WDR90: variants seen among roughly 807,000 people sequenced by gnomAD.
WDR90 encodes the protein WD repeat domain 90, also known as WD repeat-containing protein 90.
Under a neutral mutation model 195.2 loss-of-function variants are expected in WDR90, and 238 were observed. The ratio of observed to expected loss-of-function variants is 1.22; its 90% CI spans 1.10 to 1.36. The LOEUF (loss-of-function observed/expected upper bound fraction) is 1.36, where lower values mean the gene tolerates loss of function less well. WDR90 is among the 40% of genes most tolerant of loss of function. WDR90 has a pLI of 0.00. For missense variants in WDR90, 2,734 were observed against 2,439.5 expected (o/e 1.12, Z -2.54); for synonymous variants, 1,265 against 1,052.4 (o/e 1.20, Z -3.91).
intron 33 of WDR90, 146 bp from the exon 34 acceptor site, chr16:662,533 A>C: frequency 7.9e-7 from 1 of 1,267,280 alleles, no homozygotes; most frequent in Non-Finnish European, 1.1e-6. Context: ...CCCCAGCTCC[A>C]TGGGCTTTCT....
At position 658,597 on chromosome 16, in the gene WDR90, G is replaced by T; in HGVS notation, c.2839G>T (p.Ala947Ser). ...GGACGCCCGCTTCCTGCTGATTGCC[G>T]CCGGCCGGACCATCAAGGTGTGGGA... ...SEDARFLLIA[A>S]GRTIKVWDYA... Residue 947 changes from alanine (A) to serine (S), a missense_variant, in exon 23 of 41, where the codon GCC becomes TCC. Physicochemically the swap from Ala to Ser is moderately conservative, Grantham distance 99. Transcript: ENST00000293879. 1 of 1,612,670 alleles carries T rather than the reference G, an allele frequency of 6.2e-7. No individual in the cohort carries two copies. The highest frequency in any genetic ancestry group is 8.5e-7 in the Non-Finnish European group (1 of 1,179,896).
chr16:649,411 G>T lies in WDR90; in HGVS notation c.-6G>T. 1 of 1,314,492 alleles carries T rather than the reference G, an allele frequency of 7.6e-7. No homozygotes were observed. Among genetic ancestry groups the T allele is most frequent in the Non-Finnish European group, 9.7e-7 (1 of 1,034,900 alleles). 81.4% of individuals were successfully genotyped at this position (1,314,492 alleles called of 1,614,324 possible). A position where few individuals can be genotyped will look rare whatever the true frequency, so the allele number is the denominator to read the frequency against. ...GGCCTAGGCGGGAAGCTCGAGCGGC[G>T]GCGCCATGGCCCGAGGTAGCGCGCG... is the stretch of plus-strand genomic sequence containing the variant. On this transcript the variant is annotated 5_prime_UTR_variant, in exon 1 of 41. Transcript: ENST00000293879.
intron 6 of WDR90, 21 bp downstream of exon 6, chr16:651,124 C>A (rs375807529): frequency 6.3e-7 from 1 of 1,593,202 alleles, no homozygotes; most frequent in Admixed American, 1.7e-5. Context: ...CTGCTTCTTT[C>A]GAGGGAGGCC....
chr16:650,690 T>A lies in WDR90; in HGVS notation c.540T>A (p.Ser180Arg). The A allele has an allele frequency of 1.2e-6, 2 of 1,609,898 alleles. No homozygotes were observed. The highest frequency in any genetic ancestry group is 1.7e-6 in the Non-Finnish European group (2 of 1,177,558). ...TGCTGGTCAGGAACCTGTACACCAG[T>A]GACCTGTGCTTTGAGCCTGGTGAGG... ...ASLLVRNLYT[S>R]DLCFEPAISG... Residue 180 changes from serine to arginine, a missense_variant, in exon 5 of 41, where the codon AGT becomes AGA. Ser to Arg is a moderately radical substitution (Grantham distance 110, BLOSUM62 -1). Transcript: ENST00000293879.
In WDR90 at chr16:661,342, G is replaced by A. The variant is rs1343916701; in HGVS notation, c.3514G>A (p.Val1172Ile). The A allele has an allele frequency of 8.1e-6, 13 of 1,598,448 alleles. No individual in the cohort carries two copies. The highest frequency in any genetic ancestry group is 1.3e-5 in the African/African-American group (1 of 74,782). ...STLALSHSAQVLASASGRSST... is the reference protein window; with the variant it reads ...STLALSHSAQILASASGRSST... ...TCACGCCTGGCCTCTTGCCTGCCAG[G>A]TCCTGGCCTCTGCCTCGGGCCGAAG... Residue 1172 changes from valine to isoleucine, a missense_variant and splice_region_variant, in exon 30 of 41, where the codon GTC becomes ATC. Val to Ile is a conservative substitution (Grantham distance 29). Transcript: ENST00000293879.
chr16:666,792 G>A lies in WDR90; in HGVS notation c.5004G>A (p.Gln1668=). The A allele has an allele frequency of 6.2e-7, 1 of 1,612,802 alleles. No homozygotes were observed. The highest frequency in any genetic ancestry group is 8.5e-7 in the Non-Finnish European group (1 of 1,179,934). Residue 1668 remains glutamine (Q), a splice_region_variant and synonymous_variant, in exon 39 of 41, where the codon CAG becomes CAA. Transcript: ENST00000293879. The part of the protein sequence containing the change: ...EVIIYNLCQK[Q]VVEKIPLPFF... ...TCATCTACAACCTCTGCCAGAAGCA[G>A]GTACACGCAGCTGCCCGCGTGTCAC...
chr16:664,232 T>G (rs4984679), intron 34 of WDR90, among the ~76,000 whole-genome samples: 1 of 151,830 alleles, frequency 6.6e-6, no homozygotes, highest in Non-Finnish European at 1.5e-5. Flanking sequence ...GGTCGCTCCC[T>G]GCTTCCCGCC....
At position 655,211 on chromosome 16, in the gene WDR90, C is replaced by G. The variant is rs543014926; in HGVS notation, c.1556+64C>G. 1.2e-5 allele frequency: 19 copies of G among 1,612,096 alleles called. No homozygotes were observed. In the African/African-American group the frequency reaches 1.5e-4, roughly 12 times the overall value. On this transcript the variant is annotated intron_variant, in intron 14 of 40. Transcript: ENST00000293879. ...TGGGCCCGGAGTGGGGGCCGAGGCC[C>G]GAGCACCTCCCCCTGGCTTGGCTGT...
At position 659,359 on chromosome 16, in the gene WDR90, C is replaced by T; in HGVS notation, c.3167C>T (p.Pro1056Leu). ...SPPRLGVCAR[P>L]PEGGDGARDT... ...CCACGGCTGGGCGTCTGTGCCAGGCCTCCCGAAGGTGGCGATGGTGAGCAG... is the reference window on the plus strand; with the variant it reads ...CCACGGCTGGGCGTCTGTGCCAGGCTTCCCGAAGGTGGCGATGGTGAGCAG... Residue 1056 changes from proline to leucine, a missense_variant, in exon 26 of 41, where the codon CCT becomes CTT. Pro to Leu is a moderately conservative substitution (Grantham distance 98, BLOSUM62 -3). Coordinates refer to ENST00000293879, the MANE Select transcript of WDR90 (RefSeq NM_145294.5). The T allele has an allele frequency of 6.3e-7, 1 of 1,593,340 alleles. No individual in the cohort carries two copies. Among genetic ancestry groups the T allele is most frequent in the East Asian group, 2.3e-5 (1 of 44,064 alleles).
rs577550111 is a variant in WDR90, at chr16:650,269, C to T, written c.295C>T (p.Arg99Cys). 3 of 1,612,954 alleles carry T rather than the reference C, an allele frequency of 1.9e-6. No homozygotes were observed. In the South Asian group the frequency reaches 3.3e-5, roughly 18 times the overall value. The change falls in exon 4 of 41, where the codon CGT becomes TGT. Residue 99 changes from arginine (R) to cysteine (C), a missense_variant. Coordinates refer to ENST00000293879, the MANE Select transcript of WDR90 (RefSeq NM_145294.5). ...GTCCCCACAGGACAACCAAGTCATC[C>T]GTGTGTCTTTCTCCAACCTCTTCAA... Reference protein sequence around the residue: ...DVSSKDNQVIRVSFSNLFKEF... With the variant: ...DVSSKDNQVICVSFSNLFKEF...
At chr16:659,824 G>A (rs2037855496) in intron 26 of WDR90, among the ~76,000 whole-genome samples, 1 of 152,220 alleles carries the variant, frequency 6.6e-6, no homozygotes, top group Non-Finnish European at 1.5e-5. Context: ...GCAGGGCAGG[G>A]ACGCTGGTGC....
chr16:660,976 CGG>C, intron 28 of WDR90, 73 bp from the exon 29 acceptor site: 1 of 84,850 alleles, frequency 1.2e-5, no homozygotes, highest in Non-Finnish European at 1.8e-5. Context: ...GCCCCCTGTT[CGG>C]CCCCTCCCCA....
At chr16:651,541 C>T (rs1000045050) in intron 7 of WDR90, 103 bp from the exon 8 acceptor site, 12 of 1,166,522 alleles carry the variant, frequency 1.0e-5, no homozygotes, top group Middle Eastern at 2.8e-4. Context: ...CCTGCAGAGC[C>T]GGTGAGGCTG....
At chr16:667,390 G>C (rs1350653699) in intron 40 of WDR90, 42 bp from the exon 41 acceptor site, 4 of 1,561,844 alleles carry the variant, frequency 2.6e-6, no homozygotes, top group Non-Finnish European at 2.6e-6. Flanking sequence ...TCTGAGTGCT[G>C]CCTGGTCCTG....
Position 666,550 on chromosome 16 carries a change from C to T in WDR90, c.4836C>T (p.His1612=). The change falls in exon 38 of 41, where the codon CAC becomes CAT. Residue 1612 remains histidine, a synonymous_variant. Coordinates refer to ENST00000293879, the MANE Select transcript of WDR90 (RefSeq NM_145294.5). The part of the protein sequence containing the change: ...SVWASDWLRN[H]CELVDWLSFP... Reference sequence around the variant, plus strand: ...GGGCCTCCGACTGGCTGCGGAACCACTGTGAGCTTGTGGACTGGTTGAGTT... The same window carrying T: ...GGGCCTCCGACTGGCTGCGGAACCATTGTGAGCTTGTGGACTGGTTGAGTT... The T allele has an allele frequency of 6.2e-7, 1 of 1,612,788 alleles. No individual in the cohort carries two copies.
Position 660,712 on chromosome 16 carries a change from C to CTGG in WDR90, c.3389_3390insTGG (p.Gly1131dup). ...GCCAACATGGTCTGGAGGCCGGACA[C>CTGG]AGGTGGGGGCCAAGAGCCTACCCCC... On this transcript the variant is annotated inframe_insertion and splice_region_variant, in exon 28 of 41. Coordinates refer to ENST00000293879, the MANE Select transcript of WDR90 (RefSeq NM_145294.5). The CTGG allele has an allele frequency of 1.3e-6, 2 of 1,560,484 alleles. No homozygotes were observed. The highest frequency in any genetic ancestry group is 2.3e-5 in the South Asian group (2 of 85,186).
chr16:660,014 C>T (rs770497780), intron 26 of WDR90, 44 bp from the exon 27 acceptor site: 8 of 1,433,328 alleles, frequency 5.6e-6, no homozygotes, highest in African/African-American at 4.2e-5. Flanking sequence ...CTCTGAAGAG[C>T]TCAGGGCAGT....
chr16:650,222 T>C, intron 3 of WDR90, 32 bp from the exon 4 acceptor site: 1 of 1,610,800 alleles, frequency 6.2e-7, no homozygotes, highest in Non-Finnish European at 8.5e-7. Context: ...CTGCGGCCCC[T>C]GTCTCCTCAC....
At chr16:649,558 C>T (rs1276616937) in intron 1 of WDR90, 132 bp downstream of exon 1, 9 of 1,220,778 alleles carry the variant, frequency 7.4e-6, no homozygotes, top group Non-Finnish European at 9.4e-6. Context: ...AGGGTCCCGT[C>T]TGCCGGGCGC....
Sources: allele counts gnomAD v4.1 joint callset (sites outside exome capture counted in the v4.1 genomes callset), GRCh38; gene constraint gnomAD v4.1.1; transcripts MANE v1.5; gene names NCBI Gene and HGNC (gene_info 2026-07-23, HGNC 2026-07-21).